The following IL1RAPL2 variants were observed in gnomAD, a reference collection of about 807,000 sequenced individuals.
IL1RAPL2 encodes the protein interleukin 1 receptor accessory protein like 2, also known as X-linked interleukin-1 receptor accessory protein-like 2.
Under a neutral mutation model 44.1 loss-of-function variants are expected in IL1RAPL2, and 3 were observed. The ratio of observed to expected loss-of-function variants is 0.07; its 90% confidence interval spans 0.03 to 0.18. The LOEUF (loss-of-function observed/expected upper bound fraction) is 0.18, where lower values mean the gene tolerates loss of function less well. IL1RAPL2 is among the 10% of genes least tolerant of loss of function. The pLI is 1.00. For missense variants in IL1RAPL2, 391 were observed against 496.4 expected, an observed-to-expected ratio of 0.79 and a Z score of 2.02; for synonymous variants, 181 against 178.8, an observed-to-expected ratio of 1.01 and a Z score of -0.10.
At position 105,173,294 on chromosome X, in the gene IL1RAPL2, A is replaced by T. The variant is rs1368960723; in HGVS notation, c.83-22181A>T. On this transcript the variant is annotated intron_variant, in intron 2 of 10. Coordinates refer to ENST00000372582, the MANE Select transcript of IL1RAPL2 (RefSeq NM_017416.2). ...TCACATTAAACAACCTAGCGATATG[A>T]TGAATAACAACTGCGGGTTTGCCCG... 2.7e-5 allele frequency among the ~76,000 whole-genome samples: 3 copies of T among 112,197 alleles called. No individual in the cohort carries two copies. The East Asian group carries it at 8.4e-4, about 32-fold the overall frequency.
intron 2 of IL1RAPL2, among the ~76,000 whole-genome samples, chrX:105,054,525 A>G (rs1373688558): frequency 8.9e-6 from 1 of 111,975 alleles, no homozygotes; most frequent in Non-Finnish European, 1.9e-5. Context: ...AGCTCAAGTC[A>G]TCTTCCCATT....
chrX:105,180,937 A>G (rs2033524811), intron 2 of IL1RAPL2, among the ~76,000 whole-genome samples: 1 of 110,538 alleles, frequency 9.0e-6, no homozygotes, highest in South Asian at 3.8e-4. Flanking sequence ...GTTTGATACA[A>G]TTCAGCTGCA....
chrX:104,797,321 C>T (rs751761038), intron 2 of IL1RAPL2, among the ~76,000 whole-genome samples: 12 of 108,932 alleles, frequency 1.1e-4, no homozygotes, highest in Admixed American at 4.9e-4. Flanking sequence ...TTTGTGGGAG[C>T]GCTGCCTCTT....
chrX:105,681,675 T>C (rs1777152403), intron 6 of IL1RAPL2, among the ~76,000 whole-genome samples: 1 of 111,471 alleles, frequency 9.0e-6, no homozygotes, highest in Non-Finnish European at 1.9e-5. Flanking sequence ...GGATAATTGC[T>C]TGAACCCAGG....
intron 5 of IL1RAPL2, among the ~76,000 whole-genome samples, chrX:105,398,978 C>T (rs1348577550): frequency 4.5e-5 from 5 of 111,761 alleles, no homozygotes; most frequent in Admixed American, 3.8e-4. Context: ...TTCAGACTAT[C>T]CCTGTCGACC....
intron 1 of IL1RAPL2, among the ~76,000 whole-genome samples, chrX:104,627,986 G>A (rs139979443): frequency 0.019 from 2,096 of 111,286 alleles, 54 homozygotes; most frequent in African/African-American, 0.064. Flanking sequence ...TTTAAATAAC[G>A]TTAAGATGAA....
At chrX:105,505,320 C>T (rs1302229708) in intron 6 of IL1RAPL2, among the ~76,000 whole-genome samples, 4 of 111,682 alleles carry the variant, frequency 3.6e-5, no homozygotes. Flanking sequence ...TGATTACTGT[C>T]TAGCAGGGGA....
intron 2 of IL1RAPL2, among the ~76,000 whole-genome samples, chrX:105,016,905 G>A (rs1569361818): frequency 9.0e-6 from 1 of 111,498 alleles, no homozygotes; most frequent in African/African-American, 3.3e-5. Context: ...GCTCCTATTT[G>A]TACCTCAGAT....
intron 5 of IL1RAPL2, among the ~76,000 whole-genome samples, chrX:105,298,520 G>T (rs1385319249): frequency 1.8e-5 from 2 of 111,055 alleles, no homozygotes; most frequent in Admixed American, 2.0e-4. Flanking sequence ...TGAGGCTGGA[G>T]ATTTAAACAA....
chrX:104,629,940 T>C lies in IL1RAPL2; in HGVS notation c.-19-28955T>C, dbSNP rs1367660160. Among the ~76,000 whole-genome samples, 8 of 111,946 alleles carry C rather than the reference T, an allele frequency of 7.1e-5. No homozygotes were observed. In the South Asian group the frequency reaches 2.6e-3, roughly 36 times the overall value. On this transcript the variant is annotated intron_variant, in intron 1 of 10. Coordinates refer to ENST00000372582, the MANE Select transcript of IL1RAPL2 (RefSeq NM_017416.2). ...TTTTGGTTACTATAGTGTTGTAATATATTTTGAAATCAGGTAGTGTGATGC... is the reference window on the plus strand; with the variant it reads ...TTTTGGTTACTATAGTGTTGTAATACATTTTGAAATCAGGTAGTGTGATGC...
intron 2 of IL1RAPL2, among the ~76,000 whole-genome samples, chrX:104,733,645 ATAG>A (rs1235281468): frequency 3.8e-5 from 4 of 106,482 alleles, no homozygotes; most frequent in African/African-American, 1.0e-4. Context: ...AATAATAATA[ATAG>A]TAATAATAAT....
chrX:105,085,082 G>A (rs1569378669), intron 2 of IL1RAPL2, among the ~76,000 whole-genome samples: 1 of 112,249 alleles, frequency 8.9e-6, no homozygotes, highest in Non-Finnish European at 1.9e-5. Flanking sequence ...GCAGAACTGT[G>A]AGTCAATTAA....
At position 104,619,494 on chromosome X, in the gene IL1RAPL2, C is replaced by T. The variant is rs192343670; in HGVS notation, c.-19-39401C>T. On this transcript the variant is annotated intron_variant, in intron 1 of 10. Transcript: ENST00000372582. ...CTCACTTAATAGCTAAATGCTGTCA[C>T]GGGGGCTGTTTGCCAGTGTTCTCCA... 3.6e-4 allele frequency among the ~76,000 whole-genome samples: 40 copies of T among 111,827 alleles called. 1 individual carries two copies. The East Asian group carries it at 0.011, about 32-fold the overall frequency.
At chrX:105,349,853 G>A (rs1353476928) in intron 5 of IL1RAPL2, among the ~76,000 whole-genome samples, 3 of 111,500 alleles carry the variant, frequency 2.7e-5, no homozygotes, top group Non-Finnish European at 5.6e-5. Context: ...GTTTAGATAT[G>A]ATGAACCAGA....
At chrX:105,168,257 G>A (rs1178849257) in intron 2 of IL1RAPL2, among the ~76,000 whole-genome samples, 1 of 111,529 alleles carries the variant, frequency 9.0e-6, no homozygotes, top group Non-Finnish European at 1.9e-5. Context: ...TTATGTGTAC[G>A]ATTACATGAA....
chrX:105,680,043 C>T (rs1309146858), intron 6 of IL1RAPL2, among the ~76,000 whole-genome samples: 1 of 111,215 alleles, frequency 9.0e-6, no homozygotes, highest in Admixed American at 9.5e-5. Flanking sequence ...CTCTGTCACC[C>T]ATGCTGGAGT....
At position 104,929,245 on chromosome X, in the gene IL1RAPL2, A is replaced by G. The variant is rs1192517645; in HGVS notation, c.83-266230A>G. On this transcript the variant is annotated intron_variant, in intron 2 of 10. Coordinates refer to ENST00000372582, the MANE Select transcript of IL1RAPL2 (RefSeq NM_017416.2). ...TTGTGATTATAACAATTTGGACCCC[A>G]TCAAGAAACTCCTTATTCAGCCTTT... Among the ~76,000 whole-genome samples, 2 of 111,773 alleles carry G rather than the reference A, an allele frequency of 1.8e-5. 1 individual carries two copies. Among genetic ancestry groups the G allele is most frequent in the Admixed American group, 1.9e-4 (2 of 10,513 alleles).
intron 1 of IL1RAPL2, among the ~76,000 whole-genome samples, chrX:104,597,768 T>C (rs1569277647): frequency 9.1e-6 from 1 of 110,382 alleles, no homozygotes; most frequent in African/African-American, 3.3e-5. Flanking sequence ...TTCAGGCAAA[T>C]GGAAGCACCA....
intron 2 of IL1RAPL2, among the ~76,000 whole-genome samples, chrX:104,797,948 C>T (rs1170905570): frequency 8.9e-6 from 1 of 111,823 alleles, no homozygotes; most frequent in African/African-American, 3.3e-5. Context: ...CTTGTTACTT[C>T]TAGGCATAAA....
Sources: allele counts gnomAD v4.1 joint callset (sites outside exome capture counted in the v4.1 genomes callset), GRCh38; gene constraint gnomAD v4.1.1; transcripts MANE v1.5; gene names NCBI Gene and HGNC (gene_info 2026-07-23, HGNC 2026-07-21).